The following ATP10B variants were observed in gnomAD, a reference collection of about 807,000 sequenced individuals.
The protein encoded by ATP10B is phospholipid-transporting ATPase VB.
A neutral mutation model predicts 141.2 loss-of-function variants in ATP10B; 122 were observed. That is an observed-to-expected ratio of 0.86 (90% CI 0.75 to 1.00). The LOEUF (loss-of-function observed/expected upper bound fraction) is 1.00, where lower values mean the gene tolerates loss of function less well. ATP10B is among the 50% of genes least tolerant of loss of function. ATP10B has a pLI of 0.00. For synonymous variants in ATP10B, 685 were observed against 692.0 expected (o/e 0.99, Z 0.16); for missense variants, 1,876 against 1,825.3 (o/e 1.03, Z -0.51).
At chr5:160,765,542 T>G (rs1365208222) in intron 2 of ATP10B, among the ~76,000 whole-genome samples, 1 of 152,088 alleles carries the variant, frequency 6.6e-6, no homozygotes, top group Admixed American at 6.6e-5. Context: ...CCTTATCTCT[T>G]ATCTTATACA....
the ATP10B span, among the ~76,000 whole-genome samples, chr5:160,889,334 T>C: frequency 2.0e-5 from 3 of 152,176 alleles, no homozygotes; most frequent in African/African-American, 7.2e-5. Flanking sequence ...TCTTTACTCT[T>C]CAAGGTAAGA....
At chr5:160,646,079 A>G (rs2127682803) in intron 8 of ATP10B, among the ~76,000 whole-genome samples, 1 of 152,302 alleles carries the variant, frequency 6.6e-6, no homozygotes, top group South Asian at 2.1e-4. Flanking sequence ...GATTATTTTT[A>G]TTTATGAAAA....
chr5:160,731,960 T>C (rs1294350318), intron 2 of ATP10B, among the ~76,000 whole-genome samples: 2 of 152,170 alleles, frequency 1.3e-5, no homozygotes, highest in African/African-American at 4.8e-5. Context: ...ATATTTAACC[T>C]TCATTATATC....
At chr5:160,719,177 G>A (rs1765840551) in intron 2 of ATP10B, among the ~76,000 whole-genome samples, 1 of 152,180 alleles carries the variant, frequency 6.6e-6, no homozygotes, top group Admixed American at 6.5e-5. Context: ...GAGACGGGCG[G>A]ATCACGAGGT....
intron 2 of ATP10B, among the ~76,000 whole-genome samples, chr5:160,735,114 C>T (rs982868200): frequency 8.9e-5 from 13 of 146,834 alleles, no homozygotes; most frequent in African/African-American, 1.2e-4. Context: ...AAAAAAACAC[C>T]GGAAAACAAA....
the ATP10B span, among the ~76,000 whole-genome samples, chr5:160,890,569 G>A: frequency 0.78 from 118,601 of 152,096 alleles, 47,437 homozygotes; most frequent in East Asian, 0.98. Flanking sequence ...CTTTCACTTA[G>A]CAATGTTTCT....
intron 12 of ATP10B, 171 bp downstream of exon 12, chr5:160,634,183 G>T: frequency 1.1e-6 from 1 of 911,876 alleles, no homozygotes; most frequent in Non-Finnish European, 1.8e-6. Context: ...CAAGTAATTG[G>T]AACAGCCCTG....
chr5:160,789,415 C>A (rs1395459360), intron 1 of ATP10B, among the ~76,000 whole-genome samples: 1 of 152,126 alleles, frequency 6.6e-6, no homozygotes, highest in Non-Finnish European at 1.5e-5. Context: ...GACTAGACTA[C>A]AAACCTGTAC....
chr5:160,620,673 G>C lies in ATP10B; in HGVS notation c.2090C>G (p.Thr697Ser). 6 of 1,613,806 alleles carry C rather than the reference G, an allele frequency of 3.7e-6. No homozygotes were observed. The African/African-American group carries it at 5.3e-5, about 14-fold the overall frequency. The change falls in exon 15 of 26, where the codon ACT (threonine) becomes AGT (serine). Residue 697 changes from threonine to serine, a missense_variant. Transcript: ENST00000327245. ...QGDILESGSG[T>S]SLEEALEAPA... ...GGCCTCCAATGCCTCCTCCAAGGAA[G>C]TGCCTGACCCAGACTCCAGGATGTC... is the stretch of plus-strand genomic sequence containing the variant.
At chr5:160,650,244 A>G (rs1033098446) in intron 7 of ATP10B, among the ~76,000 whole-genome samples, 53 of 151,790 alleles carry the variant, frequency 3.5e-4, no homozygotes, top group African/African-American at 1.2e-3. Flanking sequence ...ATATCTCCAC[A>G]CCCACATATA....
intron 1 of ATP10B, among the ~76,000 whole-genome samples, chr5:160,797,782 A>G (rs1296743058): frequency 6.6e-6 from 1 of 152,064 alleles, no homozygotes; most frequent in African/African-American, 2.4e-5. Context: ...ACATGGTACT[A>G]AATTTGATGC....
rs146260109 is a variant in ATP10B at position 160,610,261 on chromosome 5, G to A, written c.2838+2480C>T. Among the ~76,000 whole-genome samples, 27 of 152,296 alleles carry A rather than the reference G, an allele frequency of 1.8e-4. 1 individual carries two copies. Among genetic ancestry groups the A allele is most frequent in the Admixed American group, 5.2e-4 (8 of 15,306 alleles). On this transcript the variant is annotated intron_variant, in intron 18 of 25. Coordinates refer to ENST00000327245, the MANE Select transcript of ATP10B (RefSeq NM_025153.3). ...CTTTCTCTTGGATGATTAGCCCTGA[G>A]GAAAACCAGCTGCCATGTTGTATAG...
chr5:160,890,988 CGTGTATGTGTGTGCGTGTGTGTGTGTGT>C, the ATP10B span, among the ~76,000 whole-genome samples: 2 of 139,308 alleles, frequency 1.4e-5, no homozygotes, highest in Admixed American at 1.4e-4. Flanking sequence ...CATTTGTTTA[CGTGTATGTGTGTGCGTGTGTGTGTGTGT>C]GTGTATGTAT....
intron 1 of ATP10B, among the ~76,000 whole-genome samples, chr5:160,788,560 G>T (rs994421557): frequency 6.6e-6 from 1 of 152,152 alleles, no homozygotes; most frequent in East Asian, 1.9e-4. Flanking sequence ...TAACTTTCCT[G>T]TTCTAAAAAG....
rs1171911472 is a variant in ATP10B, at chr5:160,817,142, G to A, written c.-575-31339C>T. 6.6e-5 allele frequency among the ~76,000 whole-genome samples: 10 copies of A among 152,296 alleles called. No individual in the cohort carries two copies. In the East Asian group the frequency reaches 1.7e-3, roughly 26 times the overall value. ...ACTCCTATTCAACATAATGTTGGAA[G>A]TTCTGGCCAGGGCAATCAGGCAGGA... On this transcript the variant is annotated intron_variant, in intron 1 of 25. Transcript: ENST00000327245.
chr5:160,720,761 T>G (rs1319591811), intron 2 of ATP10B, among the ~76,000 whole-genome samples: 1 of 152,252 alleles, frequency 6.6e-6, no homozygotes, highest in Non-Finnish European at 1.5e-5. Flanking sequence ...CCTTCCTGGA[T>G]GTTTTACCAC....
intron 4 of ATP10B, among the ~76,000 whole-genome samples, chr5:160,688,359 A>C (rs925467050): frequency 2.0e-5 from 3 of 152,176 alleles, no homozygotes; most frequent in Non-Finnish European, 4.4e-5. Flanking sequence ...AGGGTGACAC[A>C]CTAAACAAAT....
At chr5:160,872,330 C>A in the ATP10B span, among the ~76,000 whole-genome samples, 1 of 152,174 alleles carries the variant, frequency 6.6e-6, no homozygotes, top group Non-Finnish European at 1.5e-5. Context: ...TGTGGGTTGT[C>A]TGTTTACTCT....
rs201457175 is a variant in ATP10B at position 160,620,569 on chromosome 5, G to A, written c.2194C>T (p.His732Tyr). The A allele has an allele frequency of 2.4e-5, 38 of 1,613,810 alleles. No individual in the cohort carries two copies. The African/African-American group carries it at 4.0e-4, about 17-fold the overall frequency. Residue 732 changes from histidine (H) to tyrosine (Y), a missense_variant, in exon 15 of 26, where the codon CAT (histidine) becomes TAT (tyrosine). His to Tyr is a moderately conservative substitution (Grantham distance 83). Transcript: ENST00000327245. ...PDEAALVHAA[H>Y]AYSFTLVSRT... ...GACACTAGTGTGAAGCTGTAGGCAT[G>A]GGCAGCGTGCACCAGGGCGGCCTCA...
Sources: allele counts gnomAD v4.1 joint callset (sites outside exome capture counted in the v4.1 genomes callset), GRCh38; gene constraint gnomAD v4.1.1; transcripts MANE v1.5; gene names NCBI Gene and HGNC (gene_info 2026-07-23, HGNC 2026-07-21).